NUP88: variants seen among roughly 807,000 people sequenced by gnomAD.
NUP88 encodes nucleoporin 88, also known as nuclear pore complex protein Nup88.
NUP88 carries 57 observed loss-of-function variants against 93.9 expected under a neutral mutation model. The ratio of observed to expected loss-of-function variants is 0.61; its 90% CI spans 0.49 to 0.76. The LOEUF (loss-of-function observed/expected upper bound fraction) is 0.76. Ranked by LOEUF, NUP88 falls within the 30% of genes least tolerant of loss-of-function variation. NUP88 has a pLI of 0.00. For synonymous variants in NUP88, 346 were observed against 336.8 expected, an observed-to-expected ratio of 1.03 and a Z score of -0.30; for missense variants, 911 against 901.0, an observed-to-expected ratio of 1.01 and a Z score of -0.14.
intron 16 of NUP88, 96 bp from the exon 17 acceptor site, chr17:5,386,365 A>T: frequency 1.1e-6 from 1 of 937,722 alleles, no homozygotes; most frequent in Non-Finnish European, 1.7e-6. Flanking sequence ...ACATCTAAGA[A>T]CTGCTTTGCT....
At chr17:5,402,104 C>T (rs570353029) in intron 7 of NUP88, among the ~76,000 whole-genome samples, 8 of 152,100 alleles carry the variant, frequency 5.3e-5, no homozygotes, top group Middle Eastern at 3.4e-3. Context: ...ATAAGGAGTT[C>T]GAGACCAGCC....
chr17:5,409,235 G>A (rs1913680009), intron 4 of NUP88, among the ~76,000 whole-genome samples: 1 of 152,002 alleles, frequency 6.6e-6, no homozygotes, highest in African/African-American at 2.4e-5. Context: ...TTAGTTGGGC[G>A]TGGTGGCAGG....
intron 7 of NUP88, among the ~76,000 whole-genome samples, chr17:5,400,301 A>G (rs1335078080): frequency 6.6e-6 from 1 of 152,024 alleles, no homozygotes; most frequent in African/African-American, 2.4e-5. Flanking sequence ...GTTCGAGACC[A>G]GCCTGATCAA....
Position 5,419,622 on chromosome 17 carries a change from T to C in NUP88, c.29A>G (p.Asp10Gly). ...AAGCCAGGTCTGCCACAGCTCGCCG[T>C]CGCCCACCGGTCCCTCGGCGGCCGC... is the stretch of plus-strand genomic sequence containing the variant. MAAAEGPVG[D>G]GELWQTWLPN... The change falls in exon 1 of 17, where the codon GAC becomes GGC. Residue 10 changes from aspartate (D) to glycine (G), a missense_variant. Transcript: ENST00000573584. The C allele has an allele frequency of 1.3e-6, 2 of 1,595,148 alleles. No homozygotes were observed. Among genetic ancestry groups the C allele is most frequent in the Non-Finnish European group, 1.7e-6 (2 of 1,169,530 alleles).
rs1019961068 is a variant in NUP88 at position 5,416,663 on chromosome 17, G to A, written c.317C>T (p.Pro106Leu). The change falls in exon 2 of 17, where the codon CCA (proline) becomes CTA (leucine). Residue 106 changes from proline to leucine, a missense_variant. Coordinates refer to ENST00000573584, the MANE Select transcript of NUP88 (RefSeq NM_002532.6). Reference protein sequence around the residue: ...SQYQRLLCINPPLFEIYQVLL... With the variant: ...SQYQRLLCINLPLFEIYQVLL... ...GACTTGATAGATTTCAAACAGGGGT[G>A]GATTTATGCAAAGCAATCTCTGAAA... is the stretch of plus-strand genomic sequence containing the variant. The A allele has an allele frequency of 1.2e-6, 2 of 1,604,506 alleles. No homozygotes were observed. The highest frequency in any genetic ancestry group is 2.3e-5 in the South Asian group (2 of 87,694).
intron 14 of NUP88, 127 bp downstream of exon 14, chr17:5,387,259 T>C: frequency 8.1e-7 from 1 of 1,238,240 alleles, no homozygotes; most frequent in South Asian, 1.3e-5. Context: ...CCCCAACATA[T>C]ACTTCAGAGG....
At chr17:5,387,354 C>G in intron 14 of NUP88, 32 bp downstream of exon 14, 2 of 1,558,916 alleles carry the variant, frequency 1.3e-6, no homozygotes, top group Non-Finnish European at 1.8e-6. Flanking sequence ...TAGTACCTGA[C>G]TAGGTAACTA....
rs1911954353 is a variant in NUP88 at position 5,386,214 on chromosome 17, T to C, written c.2218A>G (p.Asn740Asp). 3 of 1,613,334 alleles carry C rather than the reference T, an allele frequency of 1.9e-6. No homozygotes were observed. The East Asian group carries it at 6.7e-5, about 36-fold the overall frequency. The change falls in exon 17 of 17, where the codon AAC (asparagine) becomes GAC (aspartate). Residue 740 changes from asparagine (N) to aspartate (D), a missense_variant. Asn to Asp is a conservative substitution (Grantham distance 23). Transcript: ENST00000573584. ...KQINDIRNHVNF is the reference protein window; with the variant it reads ...KQINDIRNHVDF ...GTCAGCTCCTGGTGGTGTCAGAAGT[T>C]TACATGATTGCGGATATCATTGATT... is the stretch of plus-strand genomic sequence containing the variant.
At chr17:5,418,250 T>C (rs1436351188) in intron 1 of NUP88, 2 of 152,134 alleles carry the variant, frequency 1.3e-5, no homozygotes, top group African/African-American at 2.4e-5. Flanking sequence ...TGCTGCACAT[T>C]TGGTAATTAT....
chr17:5,399,449 G>T, intron 8 of NUP88, 103 bp downstream of exon 8: 1 of 617,150 alleles, frequency 1.6e-6, no homozygotes, highest in Non-Finnish European at 2.8e-6. Context: ...CGGTTTCACT[G>T]ATTTTCTCTA....
At chr17:5,390,100 G>GTCACTA in intron 10 of NUP88, among the ~76,000 whole-genome samples, 1 of 150,794 alleles carries the variant, frequency 6.6e-6, no homozygotes, top group African/African-American at 2.4e-5. Context: ...GGGAGGCAGA[G>GTCACTA]GTTGCAGTGA....
At chr17:5,417,849 A>G (rs1381831024) in intron 1 of NUP88, among the ~76,000 whole-genome samples, 3 of 151,898 alleles carry the variant, frequency 2.0e-5, no homozygotes, top group Non-Finnish European at 4.4e-5. Context: ...AAAACAAAAC[A>G]AAACAAAAAC....
intron 5 of NUP88, among the ~76,000 whole-genome samples, chr17:5,406,204 A>G (rs1332553509): frequency 6.6e-6 from 1 of 152,248 alleles, no homozygotes; most frequent in African/African-American, 2.4e-5. Context: ...TAATGAAGAA[A>G]GCTATAAAAA....
intron 1 of NUP88, among the ~76,000 whole-genome samples, chr17:5,418,934 G>A (rs1436301967): frequency 6.6e-6 from 1 of 152,140 alleles, no homozygotes; most frequent in East Asian, 1.9e-4. Context: ...CCTCCTCCAT[G>A]TCAAGCATGA....
At position 5,387,392 on chromosome 17, in the gene NUP88, A is replaced by G. The variant is rs1468664691; in HGVS notation, c.1910T>C (p.Met637Thr). Residue 637 changes from methionine to threonine, a missense_variant, in exon 14 of 17, where the codon ATG becomes ACG. Met to Thr is a moderately conservative substitution (Grantham distance 81, BLOSUM62 -1). Coordinates refer to ENST00000573584, the MANE Select transcript of NUP88 (RefSeq NM_002532.6). Reference sequence around the variant, plus strand: ...TGTTATACAGCCCACTGACCTGTTCATGATATCCTCTTGTTTTTCTTTAGC... The same window carrying G: ...TGTTATACAGCCCACTGACCTGTTCGTGATATCCTCTTGTTTTTCTTTAGC... ...EEAKEKQEDI[M>T]NRMKKLLHSF... is the part of the protein sequence containing the mutation. The G allele has an allele frequency of 1.2e-6, 2 of 1,613,388 alleles. No individual in the cohort carries two copies. The highest frequency in any genetic ancestry group is 1.3e-5 in the African/African-American group (1 of 74,918).
intron 8 of NUP88, among the ~76,000 whole-genome samples, chr17:5,398,921 C>G (rs1912964688): frequency 6.9e-6 from 1 of 145,228 alleles, no homozygotes; most frequent in African/African-American, 2.6e-5. Context: ...CGGAGTCTCG[C>G]TCTGTTGCCC....
intron 4 of NUP88, among the ~76,000 whole-genome samples, chr17:5,410,071 G>T (rs1308611057): frequency 6.6e-6 from 1 of 152,174 alleles, no homozygotes; most frequent in Non-Finnish European, 1.5e-5. Flanking sequence ...ATGGAGAGCA[G>T]GGAAGTAGAA....
At chr17:5,402,490 T>C (rs915067601) in intron 7 of NUP88, among the ~76,000 whole-genome samples, 2 of 152,208 alleles carry the variant, frequency 1.3e-5, no homozygotes, top group Admixed American at 6.5e-5. Context: ...AATCTCAAAA[T>C]ACCTTAATTA....
chr17:5,387,086 A>C lies in NUP88; in HGVS notation c.1941T>G (p.Phe647Leu). 1 of 1,613,946 alleles carries C rather than the reference A, an allele frequency of 6.2e-7. No homozygotes were observed. Among genetic ancestry groups the C allele is most frequent in the South Asian group, 1.1e-5 (1 of 91,006 alleles). Residue 647 changes from phenylalanine to leucine, a missense_variant, in exon 15 of 17, where the codon TTT (phenylalanine) becomes TTG (leucine). Phe to Leu is a conservative substitution (Grantham distance 22). Transcript: ENST00000573584. ...CAGAGAGAACTGGGAGCTCAGAGTG[A>C]AAACTGTGAAGTAGTTTTTTCATCC... ...MNRMKKLLHS[F>L]HSELPVLSDS...
Sources: gnomAD v4.1 joint callset for allele counts (sites outside exome capture counted in the v4.1 genomes callset) on GRCh38, gnomAD v4.1.1 for gene constraint, MANE v1.5 for transcripts, NCBI Gene and HGNC (gene_info 2026-07-23, HGNC 2026-07-21) for gene names.